NOL8: variants seen among roughly 807,000 people sequenced by gnomAD.
The protein encoded by NOL8 is nucleolar protein Nop132.
A neutral mutation model predicts 116.1 loss-of-function variants in NOL8; 93 were observed. The observed-to-expected ratio is 0.80, with a 90% CI of 0.68 to 0.95. The LOEUF (loss-of-function observed/expected upper bound fraction) is 0.95. Ranked by LOEUF, NOL8 falls within the 40% of genes least tolerant of loss-of-function variation. The pLI is 0.00. For synonymous variants in NOL8, 419 were observed against 469.0 expected, an observed-to-expected ratio of 0.89 and a Z score of 1.38; for missense variants, 1,291 against 1,382.8, an observed-to-expected ratio of 0.93 and a Z score of 1.05.
At chr9:92,302,028 A>G (rs1837798231) in intron 12 of NOL8, among the ~76,000 whole-genome samples, 1 of 152,226 alleles carries the variant, frequency 6.6e-6, no homozygotes, top group East Asian at 1.9e-4. Flanking sequence ...TTGATCAATA[A>G]GCTTTTTTTA....
chr9:92,298,340 T>C lies in NOL8; in HGVS notation c.3374-4A>G, dbSNP rs533316262. The C allele has an allele frequency of 6.3e-7, 1 of 1,588,496 alleles. No homozygotes were observed. The highest frequency in any genetic ancestry group is 2.3e-5 in the East Asian group (1 of 44,080). On this transcript the variant is annotated splice_polypyrimidine_tract_variant and splice_region_variant and intron_variant, in intron 15 of 16. Coordinates refer to ENST00000442668, the MANE Select transcript of NOL8 (RefSeq NM_017948.6). Reference sequence around the variant, plus strand: ...CCTCTCCAGAATAAGTCAGAACCTATTAGGGGAAAAAGAAGAAAGATGAGG... The same window carrying C: ...CCTCTCCAGAATAAGTCAGAACCTACTAGGGGAAAAAGAAGAAAGATGAGG...
Position 92,298,262 on chromosome 9 carries a change from G to T in NOL8, c.3448C>A (p.Arg1150Ser), listed in dbSNP as rs759588984. Residue 1150 changes from arginine (R) to serine (S), a missense_variant, in exon 16 of 17, where the codon CGT becomes AGT. Physicochemically the swap from Arg to Ser is moderately radical, Grantham distance 110. Coordinates refer to ENST00000442668, the MANE Select transcript of NOL8 (RefSeq NM_017948.6). ...NSWEARTTNL[R>S]MDCRKKHKDA... ...ATGGAGAAACAATTACTCACCATAC[G>T]CAGGTTGGTTGTTCTGGCCTCCCAA... is the stretch of plus-strand genomic sequence containing the variant. The T allele has an allele frequency of 8.7e-6, 14 of 1,602,276 alleles. No individual in the cohort carries two copies. Among genetic ancestry groups the T allele is most frequent in the Non-Finnish European group, 1.2e-5 (14 of 1,172,896 alleles).
At chr9:92,324,583 C>T (rs574991855) in intron 1 of NOL8, 1 of 153,574 alleles carries the variant, frequency 6.5e-6, no homozygotes, top group South Asian at 2.0e-4. Flanking sequence ...ATGTAACGCA[C>T]TAAAAGATAA....
rs758802317 is a variant in NOL8, at chr9:92,317,557, G to A, written c.486+1061C>T. On this transcript the variant is annotated intron_variant, in intron 6 of 16. Transcript: ENST00000442668. ...GTAGCTGTGAGCTCAGAGGACACAC[G>A]TTTTTGCTTCTCTAGTCCCAGTGGG... 3.3e-5 allele frequency among the ~76,000 whole-genome samples: 5 copies of A among 152,288 alleles called. No individual in the cohort carries two copies. The South Asian group carries it at 8.3e-4, about 25-fold the overall frequency.
chr9:92,317,054 G>A (rs12377234), intron 6 of NOL8, among the ~76,000 whole-genome samples: 58 of 152,198 alleles, frequency 3.8e-4, no homozygotes, highest in Non-Finnish European at 6.2e-4. Context: ...CCAGGCTCAA[G>A]TGATCCTCCC....
chr9:92,304,910 C>T (rs72750483), intron 12 of NOL8, among the ~76,000 whole-genome samples: 4,653 of 152,066 alleles, frequency 0.031, 111 homozygotes, highest in South Asian at 0.079. Flanking sequence ...TTGTGATTTT[C>T]GTGGCTATTA....
At chr9:92,304,511 G>A (rs1470838589) in intron 12 of NOL8, among the ~76,000 whole-genome samples, 1 of 152,148 alleles carries the variant, frequency 6.6e-6, no homozygotes, top group East Asian at 1.9e-4. Context: ...CTGATGTAAA[G>A]GGATGAGACT....
Position 92,315,233 on chromosome 9 carries a change from T to C in NOL8, c.1392A>G (p.Glu464=). ...CCTCACCTCCTTCAGAGTCAGCTAA[T>C]TCTGATGCAGAATCAGCATCTTCAC... The part of the protein sequence containing the change: ...SSSEDADSAS[E]LADSEGGEEY... The change falls in exon 7 of 17, where the codon GAA becomes GAG. Residue 464 remains glutamate (E), a synonymous_variant. Coordinates refer to ENST00000442668, the MANE Select transcript of NOL8 (RefSeq NM_017948.6). The C allele has an allele frequency of 6.2e-7, 1 of 1,613,950 alleles. No individual in the cohort carries two copies. Among genetic ancestry groups the C allele is most frequent in the East Asian group, 2.2e-5 (1 of 44,876 alleles).
rs753050425 is a variant in NOL8, at chr9:92,318,694, A to G, written c.418-8T>C. On this transcript the variant is annotated splice_polypyrimidine_tract_variant and splice_region_variant and intron_variant, in intron 5 of 16. Coordinates refer to ENST00000442668, the MANE Select transcript of NOL8 (RefSeq NM_017948.6). ...TTTGCTCACAACCCAATTCTAAAAG[A>G]AAAAAAAAGAATTTATTTACTATAT... is the stretch of plus-strand genomic sequence containing the variant. 2 of 1,526,030 alleles carry G rather than the reference A, an allele frequency of 1.3e-6. No individual in the cohort carries two copies. The highest frequency in any genetic ancestry group is 1.8e-6 in the Non-Finnish European group (2 of 1,125,866). 94.5% of individuals were successfully genotyped at this position (1,526,030 alleles called of 1,614,324 possible).
At chr9:92,323,304 T>C (rs1840076152) in intron 3 of NOL8, 137 bp downstream of exon 3, 1 of 1,538,376 alleles carries the variant, frequency 6.5e-7, no homozygotes, top group Non-Finnish European at 8.7e-7. Context: ...TATACGATAC[T>C]GGAATTCTCT....
In NOL8 at chr9:92,297,436, A is replaced by G. The variant is rs1837334546; in HGVS notation, c.*400T>C. 1 of 160,648 alleles carries G rather than the reference A, an allele frequency of 6.2e-6. No homozygotes were observed. The highest frequency in any genetic ancestry group is 1.9e-4 in the South Asian group (1 of 5,130). The allele number at this position is 160,648 out of a possible 1,614,324, so 10.0% of individuals were successfully genotyped here. On this transcript the variant is annotated 3_prime_UTR_variant, in exon 17 of 17. Transcript: ENST00000442668. ...GAAGGTGTATTTGACATAATCAGAA[A>G]TAAAATTTCAAATAGCCTATAATTC...
Position 92,301,720 on chromosome 9 carries a change from T to C in NOL8, c.3006A>G (p.Gln1002=), listed in dbSNP as rs1348811095. 2 of 1,608,078 alleles carry C rather than the reference T, an allele frequency of 1.2e-6. No individual in the cohort carries two copies. The highest frequency in any genetic ancestry group is 1.3e-5 in the African/African-American group (1 of 74,448). ...CCTTTTCACTGGTATATTTTGTAGT[T>C]TGGAATATTTCTTTCAGATCCATAG... ...NIAMDLKEIF[Q]TTKYTSEKEE... Residue 1002 remains glutamine (Q), a synonymous_variant, in exon 13 of 17, where the codon CAA becomes CAG. Transcript: ENST00000442668.
intron 12 of NOL8, among the ~76,000 whole-genome samples, chr9:92,303,369 G>A (rs1837917080): frequency 6.6e-6 from 1 of 152,204 alleles, no homozygotes; most frequent in East Asian, 1.9e-4. Context: ...TGAAATGATA[G>A]GGGGAAAAAC....
chr9:92,297,972 T>A lies in NOL8; in HGVS notation c.3454-86A>T, dbSNP rs988684920. On this transcript the variant is annotated intron_variant, in intron 16 of 16. Coordinates refer to ENST00000442668, the MANE Select transcript of NOL8 (RefSeq NM_017948.6). The stretch of plus-strand genomic sequence containing the variant: ...TAGAAGTAAAACAGGTTATTCTCAC[T>A]GTCAGGGCTGTGGAAACCTATTTTG... 1.0e-5 allele frequency: 12 copies of A among 1,157,356 alleles called. 1 individual carries two copies. The highest frequency in any genetic ancestry group is 1.5e-5 in the Non-Finnish European group (12 of 820,164). 71.7% of individuals were successfully genotyped at this position (1,157,356 alleles called of 1,614,324 possible). A position where few individuals can be genotyped will look rare whatever the true frequency, so the allele number is the denominator to read the frequency against.
chr9:92,305,715 T>A, intron 12 of NOL8, 38 bp downstream of exon 12: 1 of 1,355,190 alleles, frequency 7.4e-7, no homozygotes, highest in Non-Finnish European at 1.1e-6. Context: ...GAGATTAATT[T>A]ACATGATCCT....
Position 92,306,989 on chromosome 9 carries a change from G to A in NOL8, c.2722C>T (p.Leu908Phe). 1 of 1,612,476 alleles carries A rather than the reference G, an allele frequency of 6.2e-7. No homozygotes were observed. ...AGGGCTTTCTTTTTTTCTTCAGCAA[G>A]CTCTTCTTCCTCAGCAGTTTTCTTT... is the stretch of plus-strand genomic sequence containing the variant. ...NEKKTAEEEE[L>F]AEEKKKALNV... Residue 908 changes from leucine to phenylalanine, a missense_variant, in exon 11 of 17, where the codon CTT (leucine) becomes TTT (phenylalanine). By Grantham distance (22) the Leu-to-Phe change is conservative (BLOSUM62 0). Transcript: ENST00000442668.
intron 3 of NOL8, among the ~76,000 whole-genome samples, chr9:92,322,590 C>T (rs1334608240): frequency 6.6e-6 from 1 of 152,194 alleles, no homozygotes; most frequent in Non-Finnish European, 1.5e-5. Context: ...CTCCTGACCT[C>T]AAGTGATCCA....
rs536581062 is a variant in NOL8, at chr9:92,310,230, T to C, written c.2627A>G (p.Asp876Gly). Residue 876 changes from aspartate to glycine, a missense_variant, in exon 10 of 17, where the codon GAT becomes GGT. Transcript: ENST00000442668. Reference sequence around the variant, plus strand: ...TCGAGAGTCCATGCGGAATCTGTCATCGGTGCCAAAGTGCGACTGTAAATC... The same window carrying C: ...TCGAGAGTCCATGCGGAATCTGTCACCGGTGCCAAAGTGCGACTGTAAATC... Reference protein sequence around the residue: ...LMDLQSHFGTDDRFRMDSRFL... With the variant: ...LMDLQSHFGTGDRFRMDSRFL... 3 of 1,610,256 alleles carry C rather than the reference T, an allele frequency of 1.9e-6. No homozygotes were observed. The East Asian group carries it at 6.7e-5, about 36-fold the overall frequency.
chr9:92,300,062 G>T, intron 13 of NOL8, 46 bp from the exon 14 acceptor site: 1 of 1,592,236 alleles, frequency 6.3e-7, no homozygotes, highest in Non-Finnish European at 8.6e-7. Flanking sequence ...TAACTCCACA[G>T]CCAAGTATTT....
Sources: gnomAD v4.1 joint callset for allele counts (sites outside exome capture counted in the v4.1 genomes callset) on GRCh38, gnomAD v4.1.1 for gene constraint, MANE v1.5 for transcripts, NCBI Gene and HGNC (gene_info 2026-07-23, HGNC 2026-07-21) for gene names.